The following RHBDD1 variants were observed in gnomAD, a reference collection of about 807,000 sequenced individuals.
The protein encoded by RHBDD1 is rhomboid-related protein 4.
RHBDD1 carries 38 observed loss-of-function variants against 36.3 expected under a neutral mutation model. The observed-to-expected ratio is 1.05, with a 90% confidence interval of 0.81 to 1.37. RHBDD1 has a LOEUF of 1.37. Ranked by LOEUF, RHBDD1 falls within the 40% of genes most tolerant of loss-of-function variation. The pLI, the probability that RHBDD1 is intolerant of heterozygous loss-of-function variation, is 0.00. For missense variants in RHBDD1, 393 were observed against 377.6 expected (o/e 1.04, Z -0.34); for synonymous variants, 151 against 136.5 (o/e 1.11, Z -0.74).
chr2:226,816,160 C>T, the RHBDD1 span, among the ~76,000 whole-genome samples: 1 of 152,166 alleles, frequency 6.6e-6, no homozygotes, highest in African/African-American at 2.4e-5. Flanking sequence ...TTCTTTTCAC[C>T]TTCTTCCCCC....
At chr2:226,812,640 T>C in the RHBDD1 span, among the ~76,000 whole-genome samples, 22 of 149,850 alleles carry the variant, frequency 1.5e-4, no homozygotes, top group African/African-American at 4.6e-4. Context: ...ATGTTCTCTC[T>C]CTCTCTCTTT....
intron 8 of RHBDD1, among the ~76,000 whole-genome samples, chr2:226,949,592 C>T (rs567187101): frequency 1.3e-5 from 2 of 152,208 alleles, no homozygotes; most frequent in South Asian, 4.1e-4. Context: ...ATTGGTAGGA[C>T]ATAATAATAG....
chr2:226,864,652 G>A lies in RHBDD1; in HGVS notation c.-42G>A, dbSNP rs751980042. On this transcript the variant is annotated 5_prime_UTR_variant, in exon 4 of 9. Coordinates refer to ENST00000392062, the MANE Select transcript of RHBDD1 (RefSeq NM_001167608.3). ...CAGATACCTGAAACTGACCACCTGA[G>A]TACGTTTTCCCATTGCTGAGCTGTT... is the stretch of plus-strand genomic sequence containing the variant. The A allele has an allele frequency of 3.9e-6, 6 of 1,544,436 alleles. No homozygotes were observed. The Admixed American group carries it at 8.6e-5, about 22-fold the overall frequency.
rs578151222 is a variant in RHBDD1, at chr2:226,927,528, T to C, written c.856+13177T>C. Among the ~76,000 whole-genome samples, 7 of 152,162 alleles carry C rather than the reference T, an allele frequency of 4.6e-5. No individual in the cohort carries two copies. The East Asian group carries it at 1.4e-3, about 29-fold the overall frequency. ...GTTTCTGGATTATATATGGTAAATT[T>C]ATGTTTAACTTTATAAGAATCTGCC... is the stretch of plus-strand genomic sequence containing the variant. On this transcript the variant is annotated intron_variant, in intron 8 of 8. Coordinates refer to ENST00000392062, the MANE Select transcript of RHBDD1 (RefSeq NM_001167608.3).
At chr2:226,804,928 C>A in the RHBDD1 span, 1 of 152,236 alleles carries the variant, frequency 6.6e-6, no homozygotes, top group Admixed American at 6.5e-5. Context: ...GAGGCAGAAG[C>A]AGAAAGATCC....
rs752191893 is a variant in RHBDD1, at chr2:226,864,843, T to C, written c.150T>C (p.Tyr50=). ...WFFLNPQKPL[Y]SSCLSVEKCY... Reference sequence around the variant, plus strand: ...TCTTGAACCCTCAGAAGCCACTGTATAGCTCCTGCCTTAGTGTGGAGAAGT... The same window carrying C: ...TCTTGAACCCTCAGAAGCCACTGTACAGCTCCTGCCTTAGTGTGGAGAAGT... Residue 50 remains tyrosine (Y), a synonymous_variant, in exon 4 of 9, where the codon TAT becomes TAC. Transcript: ENST00000392062. The C allele has an allele frequency of 3.1e-6, 5 of 1,614,234 alleles. No individual in the cohort carries two copies. The highest frequency in any genetic ancestry group is 4.2e-6 in the Non-Finnish European group (5 of 1,180,036).
chr2:226,841,954 A>T (rs574847298), intron 3 of RHBDD1, among the ~76,000 whole-genome samples: 9 of 152,262 alleles, frequency 5.9e-5, no homozygotes, highest in African/African-American at 2.2e-4. Context: ...CCTCGCCAGC[A>T]TGTGTTGTTT....
chr2:226,970,856 G>C (rs369936389), intron 8 of RHBDD1, among the ~76,000 whole-genome samples: 1 of 152,198 alleles, frequency 6.6e-6, no homozygotes, highest in East Asian at 1.9e-4. Flanking sequence ...GAGGGATATC[G>C]TGCCCATCAT....
At chr2:226,977,168 T>G (rs1243440642) in intron 8 of RHBDD1, among the ~76,000 whole-genome samples, 1 of 152,210 alleles carries the variant, frequency 6.6e-6, no homozygotes, top group Non-Finnish European at 1.5e-5. Context: ...CCCAGAGAAG[T>G]CAAGGAGCAT....
At chr2:226,907,016 C>G (rs539416589) in intron 6 of RHBDD1, 135 bp downstream of exon 6, 3 of 913,282 alleles carry the variant, frequency 3.3e-6, no homozygotes, top group South Asian at 2.8e-5. Context: ...CTTTTTAAAC[C>G]GAAAGGTAAA....
At chr2:226,932,451 T>C (rs1482943913) in intron 8 of RHBDD1, among the ~76,000 whole-genome samples, 1 of 152,150 alleles carries the variant, frequency 6.6e-6, no homozygotes, top group Non-Finnish European at 1.5e-5. Flanking sequence ...TGAATACCTA[T>C]TGTTGCAATA....
intron 8 of RHBDD1, among the ~76,000 whole-genome samples, chr2:226,974,562 C>A (rs7421491): frequency 0.49 from 74,988 of 152,028 alleles, 19,357 homozygotes; most frequent in African/African-American, 0.66. Flanking sequence ...TTAGTCCTGA[C>A]TGTCAAGGTA....
chr2:226,830,256 CA>C, the RHBDD1 span, among the ~76,000 whole-genome samples: 1 of 152,142 alleles, frequency 6.6e-6, no homozygotes, highest in African/African-American at 2.4e-5. Context: ...TAAGAGACCC[CA>C]GAGAGCTAGT....
intron 5 of RHBDD1, among the ~76,000 whole-genome samples, chr2:226,891,720 G>C (rs545899142): frequency 2.0e-5 from 3 of 152,168 alleles, no homozygotes; most frequent in Non-Finnish European, 1.5e-5. Context: ...TTCTTGGTTG[G>C]AAACCCTAGA....
chr2:226,875,988 T>A (rs1295975598), intron 5 of RHBDD1, among the ~76,000 whole-genome samples: 1 of 152,212 alleles, frequency 6.6e-6, no homozygotes, highest in Admixed American at 6.5e-5. Flanking sequence ...TAAGTTTACT[T>A]GACAATAGCA....
intron 5 of RHBDD1, among the ~76,000 whole-genome samples, chr2:226,883,305 G>T: frequency 6.6e-6 from 1 of 152,184 alleles, no homozygotes; most frequent in East Asian, 1.9e-4. Flanking sequence ...AATTAGACAG[G>T]CCTGCTGTGG....
chr2:226,906,628 A>G (rs1948073080), intron 5 of RHBDD1, 165 bp from the exon 6 acceptor site: 2 of 1,419,564 alleles, frequency 1.4e-6, no homozygotes, highest in East Asian at 2.4e-5. Flanking sequence ...AAGGTAGGAG[A>G]TGTTGTTCTT....
intron 5 of RHBDD1, among the ~76,000 whole-genome samples, chr2:226,890,951 T>A (rs1250939404): frequency 6.6e-6 from 1 of 152,178 alleles, no homozygotes; most frequent in African/African-American, 2.4e-5. Context: ...AGATTCTTAC[T>A]GTCATTAGGA....
chr2:226,812,643 C>CTT, the RHBDD1 span, among the ~76,000 whole-genome samples: 1 of 144,498 alleles, frequency 6.9e-6, no homozygotes, highest in African/African-American at 2.5e-5. Context: ...TTCTCTCTCT[C>CTT]TCTCTTTTTT....
Sources: gnomAD v4.1 joint callset for allele counts (sites outside exome capture counted in the v4.1 genomes callset) on GRCh38, gnomAD v4.1.1 for gene constraint, MANE v1.5 for transcripts, NCBI Gene and HGNC (gene_info 2026-07-23, HGNC 2026-07-21) for gene names.